Variants in CCDC141 observed in about 807,000 individuals in gnomAD.
The protein encoded by CCDC141 is coiled-coil domain-containing protein 141.
Under a neutral mutation model 181.0 loss-of-function variants are expected in CCDC141, and 168 were observed. The ratio of observed to expected loss-of-function variants is 0.93; its 90% CI spans 0.82 to 1.05. CCDC141 has a LOEUF of 1.05. Ranked by LOEUF, CCDC141 falls within the 50% of genes least tolerant of loss-of-function variation. The pLI is 0.00. For missense variants in CCDC141, 1,902 were observed against 1,788.5 expected (o/e 1.06, Z -1.14); for synonymous variants, 666 against 642.3 (o/e 1.04, Z -0.56).
At chr2:179,035,496 T>C (rs371313208) in intron 2 of CCDC141, among the ~76,000 whole-genome samples, 48 of 152,308 alleles carry the variant, frequency 3.2e-4, no homozygotes, top group African/African-American at 1.1e-3. Context: ...ACTTTGTTCA[T>C]GATTCTCAAT....
At chr2:178,978,983 CA>C (rs1016263294) in intron 2 of CCDC141, among the ~76,000 whole-genome samples, 7 of 150,964 alleles carry the variant, frequency 4.6e-5, no homozygotes, top group African/African-American at 4.9e-5. Flanking sequence ...CTAACAGTTC[CA>C]AAAAAAATAA....
At chr2:178,967,136 C>T (rs553183003) in intron 4 of CCDC141, among the ~76,000 whole-genome samples, 1 of 152,130 alleles carries the variant, frequency 6.6e-6, no homozygotes, top group Admixed American at 6.5e-5. Flanking sequence ...ATTGGTATAC[C>T]TGAAAGTGAT....
chr2:178,992,208 G>A (rs1172859504), intron 2 of CCDC141, among the ~76,000 whole-genome samples: 1 of 151,388 alleles, frequency 6.6e-6, no homozygotes, highest in Non-Finnish European at 1.5e-5. Flanking sequence ...TATTTACCTA[G>A]GGTTTTCCAG....
intron 2 of CCDC141, among the ~76,000 whole-genome samples, chr2:178,996,782 C>T (rs1692307556): frequency 6.6e-6 from 1 of 152,104 alleles, no homozygotes; most frequent in Non-Finnish European, 1.5e-5. Context: ...CTTGCAGAAC[C>T]CTCTGGATTT....
At chr2:178,937,308 T>G (rs1416747747) in intron 6 of CCDC141, among the ~76,000 whole-genome samples, 2 of 152,170 alleles carry the variant, frequency 1.3e-5, no homozygotes, top group Non-Finnish European at 2.9e-5. Context: ...GAAGGAGTGC[T>G]TAATTTTATT....
intron 6 of CCDC141, among the ~76,000 whole-genome samples, chr2:178,942,242 C>G (rs1689554223): frequency 6.6e-6 from 1 of 152,152 alleles, no homozygotes; most frequent in Non-Finnish European, 1.5e-5. Flanking sequence ...TGCAACACAC[C>G]TGGCTAATCG....
At chr2:178,883,467 A>G (rs1043549110) in intron 11 of CCDC141, among the ~76,000 whole-genome samples, 1 of 152,232 alleles carries the variant, frequency 6.6e-6, no homozygotes, top group African/African-American at 2.4e-5. Flanking sequence ...GAAGTCAGAA[A>G]GGACAAACCG....
chr2:178,906,338 G>A (rs1370190578), intron 7 of CCDC141, among the ~76,000 whole-genome samples: 1 of 152,208 alleles, frequency 6.6e-6, no homozygotes, highest in Non-Finnish European at 1.5e-5. Flanking sequence ...AGGAGTGTAT[G>A]ATACAAAGGC....
chr2:178,872,457 C>T (rs1409944168), intron 12 of CCDC141, 145 bp from the exon 13 acceptor site: 5 of 690,488 alleles, frequency 7.2e-6, no homozygotes, highest in African/African-American at 1.8e-5. Context: ...GAAATCCCTG[C>T]GCAGAGGCAC....
intron 13 of CCDC141, 33 bp downstream of exon 13, chr2:178,872,100 T>C (rs755688916): frequency 1.3e-6 from 2 of 1,596,904 alleles, no homozygotes; most frequent in African/African-American, 1.4e-5. Flanking sequence ...CGGAATTTCA[T>C]TCCTTTTCAC....
chr2:178,826,164 T>C (rs1684122099), downstream of CCDC141, among the ~76,000 whole-genome samples: 1 of 152,184 alleles, frequency 6.6e-6, no homozygotes. Context: ...TGTCAAATGT[T>C]ATTTCTGCAT....
intron 6 of CCDC141, among the ~76,000 whole-genome samples, chr2:178,940,365 A>G (rs2154376775): frequency 6.6e-6 from 1 of 152,368 alleles, no homozygotes; most frequent in Admixed American, 6.5e-5. Flanking sequence ...AGATGCAAAC[A>G]GTGTTATGGC....
In CCDC141 at chr2:178,941,626, G is replaced by T. The variant is rs369815380; in HGVS notation, c.897+2909C>A. 2.0e-5 allele frequency among the ~76,000 whole-genome samples: 3 copies of T among 151,784 alleles called. No individual in the cohort carries two copies. The East Asian group carries it at 5.8e-4, about 29-fold the overall frequency. ...TGCTTCACATAAATAAATAAAAAAAGAAATCCCAATAAATAAACGAACCTC... is the reference window on the plus strand; with the variant it reads ...TGCTTCACATAAATAAATAAAAAAATAAATCCCAATAAATAAACGAACCTC... On this transcript the variant is annotated intron_variant, in intron 6 of 23. Transcript: ENST00000443758.
chr2:178,898,377 A>G (rs1453853176), intron 8 of CCDC141, among the ~76,000 whole-genome samples: 1 of 152,196 alleles, frequency 6.6e-6, no homozygotes, highest in Non-Finnish European at 1.5e-5. Flanking sequence ...CTCCAGAATC[A>G]TAAGCTAGCT....
chr2:178,964,643 C>T (rs1690546038), intron 4 of CCDC141, among the ~76,000 whole-genome samples: 1 of 152,198 alleles, frequency 6.6e-6, no homozygotes, highest in Non-Finnish European at 1.5e-5. Flanking sequence ...GGATTCTCCC[C>T]TCAGTTTCCT....
At chr2:178,901,828 C>T (rs1357100045) in intron 8 of CCDC141, among the ~76,000 whole-genome samples, 1 of 152,108 alleles carries the variant, frequency 6.6e-6, no homozygotes. Flanking sequence ...TCCCTGTTTG[C>T]AGACGACATG....
chr2:179,008,702 A>T (rs1320701078), intron 2 of CCDC141, among the ~76,000 whole-genome samples: 1 of 152,296 alleles, frequency 6.6e-6, no homozygotes, highest in East Asian at 1.9e-4. Flanking sequence ...TGGAAAAATC[A>T]GGGCACCAAT....
rs909316125 is a variant in CCDC141 at position 178,978,755 on chromosome 2, A to G, written c.226-80T>C. On this transcript the variant is annotated intron_variant, in intron 2 of 23. Coordinates refer to ENST00000443758, the MANE Select transcript of CCDC141 (RefSeq NM_173648.4). Reference sequence around the variant, plus strand: ...AGGATCACATTTTAAACACTTGGATAGTAGAAATTGCATGTGGTCTAGGAA... The same window carrying G: ...AGGATCACATTTTAAACACTTGGATGGTAGAAATTGCATGTGGTCTAGGAA... The G allele has an allele frequency of 1.2e-5, 13 of 1,090,098 alleles. No homozygotes were observed. The African/African-American group carries it at 1.8e-4, about 15-fold the overall frequency. 67.5% of individuals were successfully genotyped at this position (1,090,098 alleles called of 1,614,324 possible).
At chr2:179,012,316 T>C (rs989243708) in intron 2 of CCDC141, among the ~76,000 whole-genome samples, 2 of 151,996 alleles carry the variant, frequency 1.3e-5, no homozygotes, top group Non-Finnish European at 2.9e-5. Flanking sequence ...CACTGAAATA[T>C]AAAAGATCAT....
Sources: gnomAD v4.1 joint callset for allele counts (sites outside exome capture counted in the v4.1 genomes callset) on GRCh38, gnomAD v4.1.1 for gene constraint, MANE v1.5 for transcripts, NCBI Gene and HGNC (gene_info 2026-07-23, HGNC 2026-07-21) for gene names.